The following KCNH1 variants were observed in gnomAD, a reference collection of about 807,000 sequenced individuals.
The protein encoded by KCNH1 is potassium voltage-gated channel subfamily H member 1.
Under a neutral mutation model 69.2 loss-of-function variants are expected in KCNH1, and 27 were observed. The observed-to-expected ratio is 0.39, with a 90% CI of 0.29 to 0.54. The LOEUF is 0.54. Ranked by LOEUF, KCNH1 falls within the 20% of genes least tolerant of loss-of-function variation. The pLI, the probability that KCNH1 is intolerant of heterozygous loss-of-function variation, is 0.68. For synonymous variants in KCNH1, 456 were observed against 487.7 expected, an observed-to-expected ratio of 0.93 and a Z score of 0.86; for missense variants, 798 against 1,261.6, an observed-to-expected ratio of 0.63 and a Z score of 5.57.
chr1:210,956,051 G>A (rs1688169032), intron 6 of KCNH1, among the ~76,000 whole-genome samples: 1 of 152,068 alleles, frequency 6.6e-6, no homozygotes, highest in South Asian at 2.1e-4. Flanking sequence ...GTCATAGATA[G>A]CTCTTATTAT....
In KCNH1 at chr1:210,683,367, T is replaced by G; in HGVS notation, c.2884A>C (p.Arg962=). ...SEILRILTSR[R]SSQSPQELFE... is the part of the protein sequence containing the mutation. ...AACTCCTGAGGAGACTGAGAGGATC[T>G]TCTGGAAGTTAATATCCTGAGTATC... is the stretch of plus-strand genomic sequence containing the variant. Residue 962 remains arginine, a synonymous_variant, in exon 11 of 11, where the codon AGA becomes CGA. Transcript: ENST00000271751. This position sits in a 1 kb window ranked among gnomAD's most constrained non-coding sequence, Gnocchi z 5.7. The G allele has an allele frequency of 1.2e-6, 2 of 1,614,158 alleles. No individual in the cohort carries two copies. The highest frequency in any genetic ancestry group is 1.7e-6 in the Non-Finnish European group (2 of 1,180,008).
chr1:210,875,789 C>G (rs544271775), intron 7 of KCNH1, among the ~76,000 whole-genome samples: 14 of 140,320 alleles, frequency 1.0e-4, no homozygotes, highest in Non-Finnish European at 1.7e-4. Flanking sequence ...GGCTACAGAG[C>G]AAGACACTTT....
intron 1 of KCNH1, among the ~76,000 whole-genome samples, chr1:211,132,060 T>TAAA (rs1691886497): frequency 1.3e-5 from 2 of 152,234 alleles, no homozygotes; most frequent in African/African-American, 2.4e-5. Context: ...TTGTGACTTT[T>TAAA]ACATGTAAGT....
intron 7 of KCNH1, among the ~76,000 whole-genome samples, chr1:210,907,131 A>G (rs1687118955): frequency 6.6e-6 from 1 of 152,184 alleles, no homozygotes; most frequent in African/African-American, 2.4e-5. Flanking sequence ...GCTATATCCA[A>G]TCACATGGAT....
intron 5 of KCNH1, among the ~76,000 whole-genome samples, chr1:211,078,934 AAAAG>A: frequency 7.0e-6 from 1 of 142,466 alleles, no homozygotes; most frequent in Non-Finnish European, 1.5e-5. Flanking sequence ...AAAAAAAAAA[AAAAG>A]AAAGAAAGAA....
At chr1:210,987,437 A>G (rs1261772390) in intron 6 of KCNH1, among the ~76,000 whole-genome samples, 1 of 152,026 alleles carries the variant, frequency 6.6e-6, no homozygotes, top group Non-Finnish European at 1.5e-5. Flanking sequence ...GTCTTTGATG[A>G]TGGTGACGTA....
chr1:210,823,496 C>T (rs1257865387), intron 7 of KCNH1, among the ~76,000 whole-genome samples: 1 of 152,168 alleles, frequency 6.6e-6, no homozygotes, highest in Non-Finnish European at 1.5e-5. Flanking sequence ...GTTTTTCTTA[C>T]AGCACATGTT....
chr1:210,995,349 T>C (rs888681749), intron 6 of KCNH1, among the ~76,000 whole-genome samples: 1 of 152,196 alleles, frequency 6.6e-6, no homozygotes, highest in Non-Finnish European at 1.5e-5. Context: ...CACAGAAATC[T>C]TGGCCCAGAT....
intron 6 of KCNH1, among the ~76,000 whole-genome samples, chr1:210,960,267 T>C (rs1320519165): frequency 1.3e-5 from 2 of 152,200 alleles, no homozygotes; most frequent in Non-Finnish European, 2.9e-5. Context: ...ACCTATATCA[T>C]AAATTTTAGG....
chr1:211,011,027 C>T (rs1689381735), intron 6 of KCNH1, among the ~76,000 whole-genome samples: 1 of 151,984 alleles, frequency 6.6e-6, no homozygotes, highest in Non-Finnish European at 1.5e-5. Context: ...ACATGCAGAA[C>T]ATGCAGGTTT....
chr1:210,784,985 C>T (rs1424390076), intron 9 of KCNH1, among the ~76,000 whole-genome samples: 1 of 152,184 alleles, frequency 6.6e-6, no homozygotes, highest in Non-Finnish European at 1.5e-5. Flanking sequence ...CCTTACCTAT[C>T]ATGGATCAGG....
At chr1:210,701,304 C>T (rs1681772327) in intron 10 of KCNH1, among the ~76,000 whole-genome samples, 1 of 152,118 alleles carries the variant, frequency 6.6e-6, no homozygotes. Context: ...AACTCCTAAC[C>T]TTGAGCAATC....
intron 3 of KCNH1, among the ~76,000 whole-genome samples, chr1:211,092,570 G>A (rs1691071105): frequency 6.6e-6 from 1 of 152,124 alleles, no homozygotes; most frequent in Non-Finnish European, 1.5e-5. Flanking sequence ...GAAGTGTTTT[G>A]AAAGAAAATT....
intron 6 of KCNH1, among the ~76,000 whole-genome samples, chr1:211,005,671 G>A (rs1307647761): frequency 2.6e-5 from 4 of 152,112 alleles, no homozygotes; most frequent in African/African-American, 9.7e-5. Context: ...GATTATATGG[G>A]AAAATATCTT....
At chr1:210,713,839 T>G (rs1211302959) in intron 10 of KCNH1, among the ~76,000 whole-genome samples, 1 of 152,102 alleles carries the variant, frequency 6.6e-6, no homozygotes, top group Non-Finnish European at 1.5e-5. Flanking sequence ...AATTCAGAGG[T>G]CAACTACACA....
At chr1:210,787,919 C>A (rs958256895) in intron 9 of KCNH1, among the ~76,000 whole-genome samples, 21 of 152,188 alleles carry the variant, frequency 1.4e-4, no homozygotes, top group Admixed American at 3.9e-4. Context: ...TCAAGGCTGG[C>A]ATCTCTGTCT....
In KCNH1 at chr1:210,984,267, C is replaced by T. The variant is rs1446155684; in HGVS notation, c.1032+34516G>A. 4.6e-5 allele frequency among the ~76,000 whole-genome samples: 7 copies of T among 152,244 alleles called. No individual in the cohort carries two copies. The East Asian group carries it at 9.7e-4, about 21-fold the overall frequency. On this transcript the variant is annotated intron_variant, in intron 6 of 10. Coordinates refer to ENST00000271751, the MANE Select transcript of KCNH1 (RefSeq NM_172362.3). ...TTTCCTAATTGAATACCCTTTATTTCCTTCTCCTGCCTGATTGCCCTGGCC... is the reference window on the plus strand; with the variant it reads ...TTTCCTAATTGAATACCCTTTATTTTCTTCTCCTGCCTGATTGCCCTGGCC...
chr1:210,960,772 G>T (rs1390971360), intron 6 of KCNH1, among the ~76,000 whole-genome samples: 28 of 152,128 alleles, frequency 1.8e-4, no homozygotes, highest in Non-Finnish European at 1.5e-5. Context: ...GTAAATAAAA[G>T]TCAAGTAGCA....
chr1:211,099,090 T>C (rs1209999435), intron 3 of KCNH1, among the ~76,000 whole-genome samples: 1 of 152,210 alleles, frequency 6.6e-6, no homozygotes, highest in Non-Finnish European at 1.5e-5. Flanking sequence ...AAATATCTAA[T>C]AATAGAGGAA....
Sources: allele counts gnomAD v4.1 joint callset (sites outside exome capture counted in the v4.1 genomes callset), GRCh38; gene constraint gnomAD v4.1.1; non-coding constraint Gnocchi (gnomAD v3.1); transcripts MANE v1.5; gene names NCBI Gene and HGNC (gene_info 2026-07-23, HGNC 2026-07-21).